RNF135: variants seen among roughly 807,000 people sequenced by gnomAD.
RNF135 encodes ring finger protein 135, also known as E3 ubiquitin-protein ligase RNF135.
RNF135 carries 46 observed loss-of-function variants against 41.9 expected under a neutral mutation model. The ratio of observed to expected loss-of-function variants is 1.10; its 90% CI spans 0.87 to 1.40. The LOEUF (loss-of-function observed/expected upper bound fraction) is 1.40, where lower values mean the gene tolerates loss of function less well. RNF135 is among the 40% of genes most tolerant of loss of function. The pLI is 0.00. For missense variants in RNF135, 539 were observed against 549.8 expected (o/e 0.98, Z 0.20); for synonymous variants, 238 against 223.8 (o/e 1.06, Z -0.57).
At chr17:30,977,374 TTTG>T (rs1906551716) in intron 1 of RNF135, among the ~76,000 whole-genome samples, 1 of 152,062 alleles carries the variant, frequency 6.6e-6, no homozygotes, top group African/African-American at 2.4e-5. Context: ...AGGTTTTTGT[TTTG>T]TTTTGTTTTG....
At chr17:30,996,517 T>C (rs1289905507) in intron 3 of RNF135, among the ~76,000 whole-genome samples, 2 of 152,238 alleles carry the variant, frequency 1.3e-5, no homozygotes, top group Non-Finnish European at 2.9e-5. Flanking sequence ...CTGGCCTCTT[T>C]ACAGGCAGCT....
chr17:30,988,229 G>A (rs1007310591), intron 3 of RNF135, 123 bp downstream of exon 3: 28 of 961,358 alleles, frequency 2.9e-5, no homozygotes, highest in Non-Finnish European at 1.6e-6. Flanking sequence ...CCACTGTGGT[G>A]TCGTGAATCA....
chr17:30,962,188 A>AG, the RNF135 span, among the ~76,000 whole-genome samples: 2 of 150,952 alleles, frequency 1.3e-5, no homozygotes, highest in East Asian at 3.9e-4. Flanking sequence ...GCTGGAGTGC[A>AG]GTAGAGTGAT....
chr17:30,998,544 G>A (rs978997516), intron 4 of RNF135, 118 bp from the exon 5 acceptor site: 9 of 961,050 alleles, frequency 9.4e-6, no homozygotes, highest in Admixed American at 1.9e-5. Flanking sequence ...CAATTTTAAT[G>A]CTAGTGTGAG....
Position 30,971,383 on chromosome 17 carries a change from C to T in RNF135, c.310C>T (p.Pro104Ser), listed in dbSNP as rs1010813913. 4 of 1,526,502 alleles carry T rather than the reference C, an allele frequency of 2.6e-6. No homozygotes were observed. The highest frequency in any genetic ancestry group is 2.8e-5 in the African/African-American group (2 of 70,250). The allele number at this position is 1,526,502 out of a possible 1,614,324, so 94.6% of individuals were successfully genotyped here. A position where few individuals can be genotyped will look rare whatever the true frequency, so the allele number is the denominator to read the frequency against. Residue 104 changes from proline (P) to serine (S), a missense_variant, in exon 1 of 5, where the codon CCG becomes TCG. Coordinates refer to ENST00000328381, the MANE Select transcript of RNF135 (RefSeq NM_032322.4). ...CTCCGACCCTGCCCACTGCCCCTGC[C>T]CGGGCTCCAGTTCCCTCTCCAGCGC... ...AGSDPAHCPCPGSSSLSSAAA... is the reference protein window; with the variant it reads ...AGSDPAHCPCSGSSSLSSAAA...
chr17:30,978,763 A>G (rs1424526016), intron 1 of RNF135: 1 of 124,718 alleles, frequency 8.0e-6, no homozygotes, highest in Non-Finnish European at 1.6e-5. Flanking sequence ...GGCCTTCCGC[A>G]GTGTTTGTGT....
At chr17:30,985,382 A>G (rs1466674527) in intron 2 of RNF135, among the ~76,000 whole-genome samples, 1 of 152,148 alleles carries the variant, frequency 6.6e-6, no homozygotes. Context: ...ATCTCAAAGC[A>G]TCACACTTAA....
chr17:30,973,670 G>A (rs571296945), intron 1 of RNF135, among the ~76,000 whole-genome samples: 1 of 152,082 alleles, frequency 6.6e-6, no homozygotes, highest in East Asian at 1.9e-4. Flanking sequence ...GTTTCACTGT[G>A]GGCCAGGCTG....
chr17:30,998,585 C>T, intron 4 of RNF135, 77 bp from the exon 5 acceptor site: 1 of 1,401,082 alleles, frequency 7.1e-7, no homozygotes, highest in South Asian at 1.2e-5. Context: ...TACAAAGTTG[C>T]TATTTGAAGA....
intron 1 of RNF135, among the ~76,000 whole-genome samples, chr17:30,979,776 C>A (rs533221519): frequency 1.5e-5 from 2 of 133,940 alleles, no homozygotes; most frequent in Non-Finnish European, 3.3e-5. Flanking sequence ...CCCCCTCCCC[C>A]CTCCCGGACG....
intron 1 of RNF135, among the ~76,000 whole-genome samples, chr17:30,980,016 C>T (rs1265931390): frequency 3.3e-5 from 4 of 121,366 alleles, no homozygotes; most frequent in Non-Finnish European, 6.9e-5. Context: ...CCGGACGGGG[C>T]GGCTGGCCGG....
At position 30,983,353 on chromosome 17, in the gene RNF135, A is replaced by ATATATTTT. The variant is rs1420453160; in HGVS notation, c.373-1263_373-1262insATATTTTT. Among the ~76,000 whole-genome samples the ATATATTTT allele has an allele frequency of 3.4e-4, 12 of 35,734 alleles. 1 individual carries two copies. Among genetic ancestry groups the ATATATTTT allele is most frequent in the Non-Finnish European group, 5.9e-4 (11 of 18,662 alleles). The allele number at this position is 35,734 out of a possible 152,430, so 23.4% of individuals were successfully genotyped here. On this transcript the variant is annotated intron_variant, in intron 1 of 4. Coordinates refer to ENST00000328381, the MANE Select transcript of RNF135 (RefSeq NM_032322.4). ...TATATATATATATATATATATATAT[A>ATATATTTT]TTTTTTTTTTTTTTTTTTGAGATGG...
At position 30,990,460 on chromosome 17, in the gene RNF135, G is replaced by A. The variant is rs1907911425; in HGVS notation, c.679+2354G>A. Among the ~76,000 whole-genome samples, 5 of 152,048 alleles carry A rather than the reference G, an allele frequency of 3.3e-5. 1 individual carries two copies. In the South Asian group the frequency reaches 1.0e-3, roughly 32 times the overall value. On this transcript the variant is annotated intron_variant, in intron 3 of 4. Coordinates refer to ENST00000328381, the MANE Select transcript of RNF135 (RefSeq NM_032322.4). ...AATTGCTTGAACCCGGGAGGCAGAG[G>A]TTGCAGTGAGCCACTGCACTCCAGT...
upstream of RNF135, chr17:30,970,934 G>A (rs899226123): frequency 2.1e-4 from 249 of 1,202,338 alleles, no homozygotes; most frequent in Non-Finnish European, 1.6e-4. Context: ...GGAGGAAGGA[G>A]ACGGGGTGGC....
At chr17:30,974,447 C>T (rs1321505594) in intron 1 of RNF135, among the ~76,000 whole-genome samples, 1 of 151,986 alleles carries the variant, frequency 6.6e-6, no homozygotes, top group Non-Finnish European at 1.5e-5. Flanking sequence ...ACAAAGTAGG[C>T]TGTTGGAATT....
At chr17:30,995,764 T>C (rs138398039) in intron 3 of RNF135, among the ~76,000 whole-genome samples, 2 of 152,236 alleles carry the variant, frequency 1.3e-5, no homozygotes, top group African/African-American at 4.8e-5. Flanking sequence ...GTTACTTTTT[T>C]TTTTTTTGAG....
intron 1 of RNF135, among the ~76,000 whole-genome samples, chr17:30,984,036 A>G (rs1386394147): frequency 6.6e-6 from 1 of 152,146 alleles, no homozygotes; most frequent in Admixed American, 6.5e-5. Flanking sequence ...TTCTCTGTAT[A>G]TTCTCAGTAT....
chr17:30,973,417 A>G (rs1206867227), intron 1 of RNF135: 3 of 150,706 alleles, frequency 2.0e-5, no homozygotes, highest in African/African-American at 7.3e-5. Context: ...CATATTTACA[A>G]ATCCATTGCC....
At chr17:30,963,129 G>A in the RNF135 span, among the ~76,000 whole-genome samples, 3 of 105,674 alleles carry the variant, frequency 2.8e-5, no homozygotes, top group African/African-American at 1.1e-4. Context: ...ATCTGGTCTT[G>A]CTATGTTGCC....
Sources: allele counts gnomAD v4.1 joint callset (sites outside exome capture counted in the v4.1 genomes callset), GRCh38; gene constraint gnomAD v4.1.1; transcripts MANE v1.5; gene names NCBI Gene and HGNC (gene_info 2026-07-23, HGNC 2026-07-21).